Variants in BET1 observed in about 807,000 individuals in gnomAD.
BET1 encodes the protein Bet1 golgi vesicular membrane trafficking protein, also known as BET1 homolog.
In BET1, 9 loss-of-function variants were observed where a neutral mutation model predicts 13.9. The observed-to-expected ratio is 0.65, with a 90% CI of 0.39 to 1.13. The LOEUF is 1.13. Among genes scored for constraint, BET1 ranks in the 50% most tolerant of loss-of-function variants. The pLI is 0.01. For missense variants in BET1, 127 were observed against 133.6 expected (o/e 0.95, Z 0.24); for synonymous variants, 39 against 47.3 (o/e 0.82, Z 0.72).
intron 1 of BET1, chr7:93,999,717 A>C (rs989302079): frequency 4.4e-6 from 2 of 456,566 alleles, no homozygotes; most frequent in African/African-American, 4.0e-5. Context: ...GAAGGACGGG[A>C]GCTCATAGCG....
intron 3 of BET1, 32 bp from the exon 4 acceptor site, chr7:93,994,417 A>G (rs1031333298): frequency 4.4e-6 from 7 of 1,595,644 alleles, no homozygotes; most frequent in Non-Finnish European, 6.0e-6. Context: ...AAAATATCAC[A>G]GTTAGATTCT....
chr7:93,993,255 T>G lies in BET1; in HGVS notation c.*975A>C, dbSNP rs1795678212. The G allele has an allele frequency of 1.1e-6, 1 of 950,686 alleles. No homozygotes were observed. The highest frequency in any genetic ancestry group is 1.3e-6 in the Non-Finnish European group (1 of 798,560). 58.9% of individuals were successfully genotyped at this position (950,686 alleles called of 1,614,324 possible). ...GACTTAAAGAAGTAACACAGTCGAC[T>G]AATATATTTTATTTAAAAATTTACT... On this transcript the variant is annotated 3_prime_UTR_variant, in exon 4 of 4. Coordinates refer to ENST00000222547, the MANE Select transcript of BET1 (RefSeq NM_005868.6).
At chr7:94,003,762 T>C (rs781130543) in intron 1 of BET1, among the ~76,000 whole-genome samples, 4 of 152,172 alleles carry the variant, frequency 2.6e-5, no homozygotes, top group Non-Finnish European at 5.9e-5. Flanking sequence ...TGTTACCAGA[T>C]TAACGACCAT....
chr7:94,003,867 G>A (rs1370447998), intron 1 of BET1, among the ~76,000 whole-genome samples: 1 of 151,828 alleles, frequency 6.6e-6, no homozygotes, highest in Non-Finnish European at 1.5e-5. Flanking sequence ...AACCGGAGTC[G>A]GGCTTTGGAA....
At chr7:93,984,511 A>G (rs1327552266) in intron 4 of BET1, among the ~76,000 whole-genome samples, 1 of 152,080 alleles carries the variant, frequency 6.6e-6, no homozygotes, top group African/African-American at 2.4e-5. Flanking sequence ...AATTCCTTCT[A>G]CTGAAGAAGG....
In BET1 at chr7:93,993,826, T is replaced by C; in HGVS notation, c.*404A>G. 3 of 1,530,754 alleles carry C rather than the reference T, an allele frequency of 2.0e-6. No homozygotes were observed. The highest frequency in any genetic ancestry group is 2.6e-6 in the Non-Finnish European group (3 of 1,145,200). The allele number at this position is 1,530,754 out of a possible 1,614,324, so 94.8% of individuals were successfully genotyped here. A position where few individuals can be genotyped will look rare whatever the true frequency, so the allele number is the denominator to read the frequency against. On this transcript the variant is annotated 3_prime_UTR_variant, in exon 4 of 4. Transcript: ENST00000222547. The stretch of plus-strand genomic sequence containing the variant: ...ATTCAATTACCATTTTACCACAAAC[T>C]GGCTGACTACTTCAAGAGCTCAGAG...
At chr7:93,989,459 T>C (rs1357294685), downstream of BET1, among the ~76,000 whole-genome samples, 1 of 152,110 alleles carries the variant, frequency 6.6e-6, no homozygotes, top group African/African-American at 2.4e-5. Flanking sequence ...TGCCCTAGGG[T>C]GGTTGCTAGC....
intron 6 of BET1, among the ~76,000 whole-genome samples, chr7:93,968,817 A>G (rs1795216071): frequency 1.3e-5 from 2 of 151,978 alleles, no homozygotes; most frequent in Non-Finnish European, 2.9e-5. Context: ...ATACACACAT[A>G]TATACAAAGT....
At chr7:93,974,949 A>T (rs958649575) in intron 5 of BET1, among the ~76,000 whole-genome samples, 5 of 152,102 alleles carry the variant, frequency 3.3e-5, no homozygotes, top group Admixed American at 3.3e-4. Context: ...ACATATATTG[A>T]CATGATACAC....
At chr7:93,979,597 C>T (rs1795393757) in intron 4 of BET1, among the ~76,000 whole-genome samples, 1 of 152,026 alleles carries the variant, frequency 6.6e-6, no homozygotes, top group South Asian at 2.1e-4. Flanking sequence ...CTGAGGGACT[C>T]CTGCACTCCA....
intron 4 of BET1, among the ~76,000 whole-genome samples, chr7:93,977,229 G>A (rs1252856681): frequency 6.6e-6 from 1 of 152,074 alleles, no homozygotes; most frequent in Admixed American, 6.6e-5. Flanking sequence ...GGGAAGTCGA[G>A]GCAGGCAGAT....
rs1795842501 is a variant in BET1, at chr7:93,999,302, G to A, written c.20-8C>T. ...CAGGAGGTACTCCTTCACCTGCAAGGATCAGAGTCACAAAGGTGGTTCTAG... is the reference window on the plus strand; with the variant it reads ...CAGGAGGTACTCCTTCACCTGCAAGAATCAGAGTCACAAAGGTGGTTCTAG... On this transcript the variant is annotated splice_region_variant and splice_polypyrimidine_tract_variant and intron_variant, in intron 1 of 3. Transcript: ENST00000222547. 3 of 1,599,762 alleles carry A rather than the reference G, an allele frequency of 1.9e-6. No homozygotes were observed.
intron 6 of BET1, among the ~76,000 whole-genome samples, chr7:93,966,885 T>C (rs977006157): frequency 6.6e-6 from 1 of 151,916 alleles, no homozygotes; most frequent in African/African-American, 2.4e-5. Flanking sequence ...TTAGTTCTTC[T>C]GTTTTAGTCT....
chr7:93,976,094 G>A, exon 5 of BET1: 1 of 1,232,490 alleles, frequency 8.1e-7, no homozygotes, highest in Non-Finnish European at 1.1e-6. Flanking sequence ...GGAACCTGAA[G>A]GATCCACTGT....
chr7:93,993,852 T>G lies in BET1; in HGVS notation c.*378A>C. ...GGCTGACTACTTCAAGAGCTCAGAG[T>G]CAGGCTCTCCAGGCATTCTGTTACT... is the stretch of plus-strand genomic sequence containing the variant. On this transcript the variant is annotated 3_prime_UTR_variant, in exon 4 of 4. Transcript: ENST00000222547. 1 of 1,535,038 alleles carries G rather than the reference T, an allele frequency of 6.5e-7. No homozygotes were observed. Among genetic ancestry groups the G allele is most frequent in the Non-Finnish European group, 8.7e-7 (1 of 1,146,516 alleles).
At chr7:93,984,476 A>G (rs1194412665) in intron 4 of BET1, among the ~76,000 whole-genome samples, 2 of 152,164 alleles carry the variant, frequency 1.3e-5, no homozygotes, top group Non-Finnish European at 2.9e-5. Context: ...ATAGGTGAAC[A>G]TTAATTGTAA....
At chr7:93,990,141 C>A (rs190166442), downstream of BET1, among the ~76,000 whole-genome samples, 298 of 151,824 alleles carry the variant, frequency 2.0e-3, no homozygotes, top group African/African-American at 6.7e-3. Flanking sequence ...ATTAAAAGAT[C>A]TTTGAAGAAA....
At chr7:94,000,062 G>A (rs1303322121) in intron 1 of BET1, among the ~76,000 whole-genome samples, 3 of 151,718 alleles carry the variant, frequency 2.0e-5, no homozygotes, top group Admixed American at 6.6e-5. Flanking sequence ...AATATGTTGG[G>A]CGATTAACAG....
At chr7:93,968,362 G>A (rs1312042171) in intron 6 of BET1, 2 of 151,658 alleles carry the variant, frequency 1.3e-5, no homozygotes, top group African/African-American at 4.8e-5. Flanking sequence ...TACCTAATTT[G>A]TAGTGACTTA....
Sources: gnomAD v4.1 joint callset for allele counts (sites outside exome capture counted in the v4.1 genomes callset) on GRCh38, gnomAD v4.1.1 for gene constraint, MANE v1.5 for transcripts, NCBI Gene and HGNC (gene_info 2026-07-23, HGNC 2026-07-21) for gene names.